SRGAP1: variants seen among roughly 807,000 people sequenced by gnomAD.
SRGAP1 encodes SLIT-ROBO Rho GTPase activating protein 1, also known as SLIT-ROBO Rho GTPase-activating protein 1.
SRGAP1 carries 43 observed loss-of-function variants against 121.9 expected under a neutral mutation model. The observed-to-expected ratio is 0.35, with a 90% CI of 0.28 to 0.46. The LOEUF is 0.46. Ranked by LOEUF, SRGAP1 falls within the 20% of genes least tolerant of loss-of-function variation. SRGAP1 has a pLI of 1.00. For synonymous variants in SRGAP1, 447 were observed against 485.4 expected, an observed-to-expected ratio of 0.92 and a Z score of 1.04; for missense variants, 1,102 against 1,350.9, an observed-to-expected ratio of 0.82 and a Z score of 2.89.
chr12:64,118,161 ATC>A (rs1367800905), intron 18 of SRGAP1, among the ~76,000 whole-genome samples: 2 of 152,116 alleles, frequency 1.3e-5, no homozygotes, highest in Admixed American at 6.6e-5. Context: ...TTTTTGAGGA[ATC>A]TCTGTGCTGT....
At chr12:64,022,191 A>G (rs768476) in intron 4 of SRGAP1, among the ~76,000 whole-genome samples, 6 of 152,128 alleles carry the variant, frequency 3.9e-5, no homozygotes, top group African/African-American at 1.2e-4. Flanking sequence ...AAAGTGATTT[A>G]CTATAAGGAG....
intron 1 of SRGAP1, among the ~76,000 whole-genome samples, chr12:63,928,771 A>T (rs2031355791): frequency 6.6e-6 from 1 of 152,154 alleles, no homozygotes; most frequent in African/African-American, 2.4e-5. Context: ...TTTTCCTGGA[A>T]CTGGACAGTT....
At chr12:64,001,504 C>T (rs2033895795) in intron 3 of SRGAP1, among the ~76,000 whole-genome samples, 1 of 152,192 alleles carries the variant, frequency 6.6e-6, no homozygotes, top group African/African-American at 2.4e-5. Context: ...GTGGCCTGCC[C>T]TCTTTTGATG....
chr12:63,965,571 T>C (rs1211378378), intron 1 of SRGAP1, among the ~76,000 whole-genome samples: 1 of 152,122 alleles, frequency 6.6e-6, no homozygotes, highest in African/African-American at 2.4e-5. Context: ...TTTGTTAGGC[T>C]GAGGCAGGAG....
At position 64,154,469 on chromosome 12, in the gene SRGAP1, G is replaced by A. The variant is rs1166381308; in HGVS notation, c.*11797G>A. ...GTAGAAGGAGAGGAAGGGATGAACC[G>A]GGGGTTCGTTTCAGAGTCAAAATCA... On this transcript the variant is annotated 3_prime_UTR_variant, in exon 22 of 22. Transcript: ENST00000355086. 3 of 152,020 alleles carry A rather than the reference G, an allele frequency of 2.0e-5. No homozygotes were observed. Among genetic ancestry groups the A allele is most frequent in the Non-Finnish European group, 2.9e-5 (2 of 68,022 alleles). 9.4% of individuals were successfully genotyped at this position (152,020 alleles called of 1,614,324 possible). A position where few individuals can be genotyped will look rare whatever the true frequency, so the allele number is the denominator to read the frequency against.
chr12:63,871,775 TC>T, intron 1 of SRGAP1: 1 of 1,260,684 alleles, frequency 7.9e-7, no homozygotes, highest in Non-Finnish European at 1.2e-6. Context: ...TTTTCTTATA[TC>T]CTCCCAGTTC....
In SRGAP1 at chr12:63,918,047, CA is replaced by C. The variant is rs533075927; in HGVS notation, c.68-65898del. On this transcript the variant is annotated intron_variant, in intron 1 of 21. Transcript: ENST00000355086. ...CCTTAGTCTGAGCAAACTGTAGCAA[CA>C]ACTATAGGATGCCCAATTGGTTCAC... 4.3e-3 allele frequency among the ~76,000 whole-genome samples: 656 copies of C among 152,304 alleles called. 4 individuals are homozygous for C. Among genetic ancestry groups the C allele is most frequent in the Non-Finnish European group, 7.6e-3 (520 of 68,032 alleles).
At chr12:63,853,169 G>A (rs1325669791) in intron 1 of SRGAP1, among the ~76,000 whole-genome samples, 4 of 151,828 alleles carry the variant, frequency 2.6e-5, no homozygotes, top group Middle Eastern at 3.4e-3. Context: ...ACAGGCACCC[G>A]CCACCATGCC....
chr12:64,008,610 G>A (rs1272583632), intron 3 of SRGAP1, among the ~76,000 whole-genome samples: 1 of 152,272 alleles, frequency 6.6e-6, no homozygotes, highest in South Asian at 2.1e-4. Flanking sequence ...GCGTAAATCA[G>A]ACTGGATTGA....
intron 1 of SRGAP1, among the ~76,000 whole-genome samples, chr12:63,916,875 T>C (rs1394749414): frequency 6.6e-6 from 1 of 152,170 alleles, no homozygotes; most frequent in Admixed American, 6.5e-5. Context: ...TATTTCTCCT[T>C]GATTAATTTT....
chr12:64,087,847 C>T (rs1312805268), intron 11 of SRGAP1, among the ~76,000 whole-genome samples: 2 of 152,188 alleles, frequency 1.3e-5, no homozygotes, highest in Non-Finnish European at 2.9e-5. Flanking sequence ...TAACTTTTAA[C>T]ACATACTCCC....
intron 1 of SRGAP1, among the ~76,000 whole-genome samples, chr12:63,970,196 TA>T (rs2032903162): frequency 6.6e-6 from 1 of 152,120 alleles, no homozygotes; most frequent in African/African-American, 2.4e-5. Context: ...GAGTTTAAAT[TA>T]AAAGGCAACA....
chr12:64,139,977 A>G (rs2036930692), intron 21 of SRGAP1, among the ~76,000 whole-genome samples: 1 of 151,518 alleles, frequency 6.6e-6, no homozygotes, highest in African/African-American at 2.4e-5. Flanking sequence ...CAGTTTTCCC[A>G]GCACCATTTA....
chr12:63,932,515 G>A (rs986529729), intron 1 of SRGAP1, among the ~76,000 whole-genome samples: 12 of 152,130 alleles, frequency 7.9e-5, no homozygotes, highest in Admixed American at 2.0e-4. Context: ...ATGCATGACC[G>A]TCATATAGAG....
rs768587506 is a variant in SRGAP1 at position 63,984,094 on chromosome 12, A to G, written c.215A>G (p.Glu72Gly). Residue 72 changes from glutamate to glycine, a missense_variant, in exon 2 of 22, where the codon GAA becomes GGA. Coordinates refer to ENST00000355086, the MANE Select transcript of SRGAP1 (RefSeq NM_020762.4). ...EYSRNLEKLA[E>G]RFMAKTRSTK... ...TCCCGGAATCTAGAGAAGTTAGCAG[A>G]AAGGTTCATGGCAAAAACAAGAAGC... is the stretch of plus-strand genomic sequence containing the variant. 6.5e-7 allele frequency: 1 copy of G among 1,532,532 alleles called. No homozygotes were observed. The highest frequency in any genetic ancestry group is 8.8e-7 in the Non-Finnish European group (1 of 1,130,708). The allele number at this position is 1,532,532 out of a possible 1,614,324, so 94.9% of individuals were successfully genotyped here. A position where few individuals can be genotyped will look rare whatever the true frequency, so the allele number is the denominator to read the frequency against.
intron 18 of SRGAP1, among the ~76,000 whole-genome samples, chr12:64,123,724 G>A (rs551149115): frequency 6.6e-6 from 1 of 151,142 alleles, no homozygotes; most frequent in African/African-American, 2.4e-5. Flanking sequence ...GTTCAGACTG[G>A]TCTCCAACTC....
At chr12:64,130,911 T>C (rs1288988455) in intron 21 of SRGAP1, among the ~76,000 whole-genome samples, 5 of 152,196 alleles carry the variant, frequency 3.3e-5, no homozygotes, top group Non-Finnish European at 7.3e-5. Context: ...AGGTCCAGTG[T>C]AATCAACCTG....
intron 1 of SRGAP1, among the ~76,000 whole-genome samples, chr12:63,884,719 C>CTTTTTT (rs869188491): frequency 8.1e-6 from 1 of 123,856 alleles, no homozygotes; most frequent in Non-Finnish European, 1.7e-5. Context: ...CACCACCATT[C>CTTTTTT]TTTTTTTTTT....
chr12:63,873,885 A>T (rs1372755730), intron 1 of SRGAP1, among the ~76,000 whole-genome samples: 1 of 151,804 alleles, frequency 6.6e-6, no homozygotes, highest in East Asian at 2.0e-4. Flanking sequence ...AAAATTAGCC[A>T]GGCATGGTGG....
Sources: gnomAD v4.1 joint callset for allele counts (sites outside exome capture counted in the v4.1 genomes callset) on GRCh38, gnomAD v4.1.1 for gene constraint, MANE v1.5 for transcripts, NCBI Gene and HGNC (gene_info 2026-07-23, HGNC 2026-07-21) for gene names.